Variants in FHIT observed in about 807,000 individuals in gnomAD.
FHIT encodes fragile histidine triad diadenosine triphosphatase.
A neutral mutation model predicts 17.9 loss-of-function variants in FHIT; 19 were observed. The ratio of observed to expected loss-of-function variants is 1.06; its 90% CI spans 0.74 to 1.56. The LOEUF (loss-of-function observed/expected upper bound fraction) is 1.56, where lower values mean the gene tolerates loss of function less well. FHIT is among the 40% of genes most tolerant of loss of function. The pLI, the probability that FHIT is intolerant of heterozygous loss-of-function variation, is 0.00. For missense variants in FHIT, 248 were observed against 189.2 expected (o/e 1.31, Z -1.82); for synonymous variants, 81 against 69.7 (o/e 1.16, Z -0.81).
chr3:60,462,979 C>G (rs565114230), intron 5 of FHIT, among the ~76,000 whole-genome samples: 101 of 152,338 alleles, frequency 6.6e-4, no homozygotes, highest in South Asian at 1.2e-3. Context: ...TGTGCTGTGC[C>G]ACACTGAGGG....
At chr3:59,783,022 C>T (rs546655737) in intron 8 of FHIT, among the ~76,000 whole-genome samples, 15 of 152,202 alleles carry the variant, frequency 9.9e-5, no homozygotes, top group African/African-American at 3.6e-4. Flanking sequence ...TTAGCAAATC[C>T]CTAGGTGTCT....
intron 5 of FHIT, among the ~76,000 whole-genome samples, chr3:60,286,685 C>T (rs923538685): frequency 1.3e-5 from 2 of 152,138 alleles, no homozygotes; most frequent in African/African-American, 4.8e-5. Context: ...ACAAGAGCAA[C>T]AGGGAAAGTC....
chr3:60,291,676 C>T (rs568398871), intron 5 of FHIT, among the ~76,000 whole-genome samples: 2 of 152,274 alleles, frequency 1.3e-5, no homozygotes, highest in Admixed American at 6.5e-5. Flanking sequence ...TTTACCCTTA[C>T]TATCTGCTTA....
chr3:59,967,400 T>G (rs1707976703), intron 7 of FHIT, among the ~76,000 whole-genome samples: 1 of 152,142 alleles, frequency 6.6e-6, no homozygotes, highest in Admixed American at 6.6e-5. Flanking sequence ...GCAGCATAGC[T>G]TTGTTTACAC....
chr3:60,173,440 G>C (rs1258185582), intron 5 of FHIT, among the ~76,000 whole-genome samples: 1 of 152,086 alleles, frequency 6.6e-6, no homozygotes, highest in Non-Finnish European at 1.5e-5. Flanking sequence ...CCATTTTTTA[G>C]TGGCTTATAA....
intron 4 of FHIT, among the ~76,000 whole-genome samples, chr3:60,539,887 A>T (rs544630110): frequency 6.6e-6 from 1 of 151,996 alleles, no homozygotes; most frequent in Admixed American, 6.6e-5. Context: ...ACATGTATAC[A>T]TATGTAACAA....
rs535349008 is a variant in FHIT, at chr3:59,847,743, G to T, written c.348+74603C>A. 2.6e-4 allele frequency among the ~76,000 whole-genome samples: 40 copies of T among 152,222 alleles called. 1 individual carries two copies. Among genetic ancestry groups the T allele is most frequent in the South Asian group, 1.7e-3 (8 of 4,814 alleles). On this transcript the variant is annotated intron_variant, in intron 8 of 9. Coordinates refer to ENST00000492590, the MANE Select transcript of FHIT (RefSeq NM_002012.4). ...TTCTCCCCCTTTGCTAGGGTTGCTG[G>T]TATTTGTTTTCATGTTTTTGATTGT...
intron 5 of FHIT, among the ~76,000 whole-genome samples, chr3:60,154,088 A>G (rs1700580748): frequency 6.6e-6 from 1 of 152,220 alleles, no homozygotes; most frequent in Non-Finnish European, 1.5e-5. Context: ...GCCTCCCTGG[A>G]AAGTAAGTTA....
At chr3:60,196,275 G>C (rs1576291611) in intron 5 of FHIT, among the ~76,000 whole-genome samples, 1 of 152,034 alleles carries the variant, frequency 6.6e-6, no homozygotes, top group South Asian at 2.1e-4. Flanking sequence ...CCCTTACTTT[G>C]TCCAGCTTCT....
chr3:60,518,090 A>C (rs2035226675), intron 5 of FHIT, among the ~76,000 whole-genome samples: 2 of 152,194 alleles, frequency 1.3e-5, no homozygotes, highest in Admixed American at 6.5e-5. Context: ...ATACGCACAA[A>C]TATTTAATCT....
At chr3:61,037,001 T>C (rs1425152557) in intron 3 of FHIT, among the ~76,000 whole-genome samples, 1 of 148,742 alleles carries the variant, frequency 6.7e-6, no homozygotes, top group Admixed American at 6.8e-5. Context: ...AAGCTCCGCC[T>C]CCCGAGTTCA....
At chr3:60,814,845 T>C (rs1701681372) in intron 4 of FHIT, among the ~76,000 whole-genome samples, 1 of 151,978 alleles carries the variant, frequency 6.6e-6, no homozygotes. Context: ...AGCATTCCTG[T>C]TTCTCAGCAG....
intron 4 of FHIT, among the ~76,000 whole-genome samples, chr3:60,540,062 G>A (rs1252212626): frequency 6.6e-6 from 1 of 152,058 alleles, no homozygotes; most frequent in Non-Finnish European, 1.5e-5. Context: ...AAGAGAGAGG[G>A]GCTGAAGGTG....
At chr3:60,470,213 G>T (rs1209804864) in intron 5 of FHIT, among the ~76,000 whole-genome samples, 1 of 151,984 alleles carries the variant, frequency 6.6e-6, no homozygotes, top group African/African-American at 2.4e-5. Flanking sequence ...TTACTGCCTG[G>T]CTACCACCTA....
At chr3:60,694,274 G>C (rs1225436121) in intron 4 of FHIT, among the ~76,000 whole-genome samples, 1 of 151,440 alleles carries the variant, frequency 6.6e-6, no homozygotes, top group Non-Finnish European at 1.5e-5. Flanking sequence ...TGCATTACTA[G>C]CCAATGTGAA....
At chr3:60,552,991 T>G (rs1000393560) in intron 4 of FHIT, among the ~76,000 whole-genome samples, 1 of 152,140 alleles carries the variant, frequency 6.6e-6, no homozygotes, top group East Asian at 1.9e-4. Flanking sequence ...TGAGAAGGTA[T>G]GTAGAGTGAG....
intron 2 of FHIT, among the ~76,000 whole-genome samples, chr3:61,043,195 T>A (rs1034066655): frequency 1.3e-5 from 2 of 152,106 alleles, no homozygotes; most frequent in Non-Finnish European, 2.9e-5. Flanking sequence ...GGGAATTCCG[T>A]TTCCTAGCCA....
chr3:61,079,353 A>G (rs1194142683), intron 2 of FHIT, among the ~76,000 whole-genome samples: 3 of 152,112 alleles, frequency 2.0e-5, no homozygotes, highest in Non-Finnish European at 4.4e-5. Context: ...AGGACACTAT[A>G]GTGTTTCTGG....
intron 4 of FHIT, among the ~76,000 whole-genome samples, chr3:60,719,436 G>T (rs745930546): frequency 2.6e-5 from 4 of 152,136 alleles, no homozygotes; most frequent in Non-Finnish European, 1.5e-5. Flanking sequence ...TTAGCCTGCT[G>T]TATAACTCTC....
Sources: gnomAD v4.1 joint callset for allele counts (sites outside exome capture counted in the v4.1 genomes callset) on GRCh38, gnomAD v4.1.1 for gene constraint, MANE v1.5 for transcripts, NCBI Gene and HGNC (gene_info 2026-07-23, HGNC 2026-07-21) for gene names.